Variants in LRRC8C observed in about 807,000 individuals in gnomAD.
LRRC8C encodes leucine rich repeat containing 8 VRAC subunit C.
In LRRC8C, 20 loss-of-function variants were observed where a neutral mutation model predicts 55.3. The observed-to-expected ratio is 0.36, with a 90% CI of 0.25 to 0.53. The LOEUF (loss-of-function observed/expected upper bound fraction) is 0.53. Among genes scored for constraint, LRRC8C ranks in the 20% least tolerant of loss-of-function variants. LRRC8C has a pLI of 0.92. For missense variants in LRRC8C, 659 were observed against 951.4 expected (o/e 0.69, Z 4.04); for synonymous variants, 376 against 360.7 (o/e 1.04, Z -0.48).
chr1:89,664,077 G>A (rs1468133666), intron 1 of LRRC8C, among the ~76,000 whole-genome samples: 1 of 152,130 alleles, frequency 6.6e-6, no homozygotes, highest in Non-Finnish European at 1.5e-5. Context: ...TAGGTTGCCT[G>A]TTCACCCTGA....
chr1:89,678,126 C>T (rs1436913481), intron 1 of LRRC8C, among the ~76,000 whole-genome samples: 13 of 152,194 alleles, frequency 8.5e-5, no homozygotes, highest in South Asian at 4.1e-4. Flanking sequence ...ATGCTAATGT[C>T]CTGGCCCTGT....
At chr1:89,708,667 T>A (rs902453085) in intron 2 of LRRC8C, 1 of 151,662 alleles carries the variant, frequency 6.6e-6, no homozygotes, top group African/African-American at 2.4e-5. Flanking sequence ...TACTGATCCT[T>A]TTCCCAGTTC....
At chr1:89,658,757 C>T (rs1657018472) in intron 1 of LRRC8C, among the ~76,000 whole-genome samples, 1 of 152,054 alleles carries the variant, frequency 6.6e-6, no homozygotes, top group African/African-American at 2.4e-5. Flanking sequence ...TGAAAACAGG[C>T]ACATTTCTGA....
chr1:89,638,514 T>C (rs999914916), intron 1 of LRRC8C, among the ~76,000 whole-genome samples: 3 of 152,188 alleles, frequency 2.0e-5, no homozygotes, highest in Non-Finnish European at 4.4e-5. Context: ...AGCATGATTC[T>C]ATATCATGTT....
chr1:89,679,441 C>G (rs946620440), intron 1 of LRRC8C, among the ~76,000 whole-genome samples: 4 of 152,096 alleles, frequency 2.6e-5, no homozygotes, highest in African/African-American at 9.7e-5. Flanking sequence ...GTAGTCCCAG[C>G]TACCCAGGAG....
At chr1:89,637,472 T>A (rs1259096927) in intron 1 of LRRC8C, among the ~76,000 whole-genome samples, 1 of 151,190 alleles carries the variant, frequency 6.6e-6, no homozygotes. Context: ...TATGACTCAC[T>A]ATAAATATGA....
chr1:89,673,021 A>C (rs1657463476), intron 1 of LRRC8C, among the ~76,000 whole-genome samples: 1 of 151,998 alleles, frequency 6.6e-6, no homozygotes, highest in Non-Finnish European at 1.5e-5. Context: ...AACATCATCT[A>C]CTTCATTCCT....
intron 1 of LRRC8C, among the ~76,000 whole-genome samples, chr1:89,647,616 C>T (rs545156342): frequency 7.9e-5 from 12 of 152,212 alleles, no homozygotes; most frequent in Middle Eastern, 3.4e-3. Context: ...GTACAATATA[C>T]GGTAAGTAAA....
chr1:89,659,064 TG>T (rs60408285), intron 1 of LRRC8C, among the ~76,000 whole-genome samples: 1,827 of 25,602 alleles, frequency 0.071, 220 homozygotes, highest in Admixed American at 0.1. Context: ...TTTTTTTTTG[TG>T]TGTGTGTGTG....
chr1:89,652,414 T>C (rs993905226), intron 1 of LRRC8C, among the ~76,000 whole-genome samples: 9 of 152,168 alleles, frequency 5.9e-5, no homozygotes, highest in Non-Finnish European at 1.2e-4. Flanking sequence ...ACAAAGATTT[T>C]GGTGGTTAAG....
chr1:89,664,738 T>C (rs1657210473), intron 1 of LRRC8C, among the ~76,000 whole-genome samples: 1 of 152,234 alleles, frequency 6.6e-6, no homozygotes. Flanking sequence ...TTGGGCAGTA[T>C]GGCCATTTTC....
At chr1:89,637,215 C>A (rs1015036538) in intron 1 of LRRC8C, among the ~76,000 whole-genome samples, 2 of 151,726 alleles carry the variant, frequency 1.3e-5, no homozygotes, top group African/African-American at 4.8e-5. Context: ...GCAAATATAC[C>A]GAGCATGTCA....
At chr1:89,620,279 G>A in the LRRC8C span, among the ~76,000 whole-genome samples, 2 of 152,036 alleles carry the variant, frequency 1.3e-5, no homozygotes, top group Non-Finnish European at 1.5e-5. Context: ...CTATCACACT[G>A]GGAATTAGGT....
intron 1 of LRRC8C, among the ~76,000 whole-genome samples, chr1:89,647,946 A>G (rs1037974926): frequency 6.6e-6 from 1 of 152,148 alleles, no homozygotes; most frequent in Non-Finnish European, 1.5e-5. Flanking sequence ...GCTCATGCCT[A>G]TGGTTCCAGC....
chr1:89,634,182 T>G (rs1265487760), intron 1 of LRRC8C, among the ~76,000 whole-genome samples: 1 of 152,242 alleles, frequency 6.6e-6, no homozygotes, highest in Non-Finnish European at 1.5e-5. Flanking sequence ...GCCCGCATCC[T>G]AATGCGGATA....
chr1:89,652,205 A>T (rs537756657), intron 1 of LRRC8C, among the ~76,000 whole-genome samples: 1 of 152,338 alleles, frequency 6.6e-6, no homozygotes, highest in South Asian at 2.1e-4. Flanking sequence ...ATGGGAAAAG[A>T]ATCAGAAGAC....
At chr1:89,666,690 G>GTCACATAAACATT (rs1323608467) in intron 1 of LRRC8C, among the ~76,000 whole-genome samples, 2 of 152,084 alleles carry the variant, frequency 1.3e-5, no homozygotes, top group East Asian at 3.8e-4. Context: ...ATTTCTGTTA[G>GTCACATAAACATT]TCACATAAAC....
At chr1:89,701,710 G>A (rs960228913) in intron 2 of LRRC8C, among the ~76,000 whole-genome samples, 3 of 152,042 alleles carry the variant, frequency 2.0e-5, no homozygotes, top group Non-Finnish European at 4.4e-5. Flanking sequence ...ACACATCTGC[G>A]AAAGATGGTA....
At chr1:89,704,196 C>T (rs1488449964) in intron 2 of LRRC8C, among the ~76,000 whole-genome samples, 2 of 152,140 alleles carry the variant, frequency 1.3e-5, no homozygotes, top group African/African-American at 4.8e-5. Context: ...CTGACCTTTG[C>T]AATGAACCCG....
Sources: gnomAD v4.1 joint callset for allele counts (sites outside exome capture counted in the v4.1 genomes callset) on GRCh38, gnomAD v4.1.1 for gene constraint, MANE v1.5 for transcripts, NCBI Gene and HGNC (gene_info 2026-07-23, HGNC 2026-07-21) for gene names.